Variants in PIEZO2 observed in about 807,000 individuals in gnomAD.
PIEZO2 encodes the protein piezo-type mechanosensitive ion channel component 2.
Under a neutral mutation model 337.3 loss-of-function variants are expected in PIEZO2, and 172 were observed. The observed-to-expected ratio is 0.51, with a 90% CI of 0.45 to 0.58. PIEZO2 has a LOEUF of 0.58. Ranked by LOEUF, PIEZO2 falls within the 20% of genes least tolerant of loss-of-function variation. The pLI is 0.00. For synonymous variants in PIEZO2, 1,251 were observed against 1,228.5 expected (o/e 1.02, Z -0.38); for missense variants, 3,028 against 3,391.3 (o/e 0.89, Z 2.66).
At chr18:10,774,446 T>G (rs569785589) in intron 18 of PIEZO2, among the ~76,000 whole-genome samples, 15 of 107,928 alleles carry the variant, frequency 1.4e-4, no homozygotes, top group Non-Finnish European at 3.0e-4. Flanking sequence ...CTCTGCCATC[T>G]AAAGCATGTG....
chr18:10,748,438 G>T lies in PIEZO2; in HGVS notation c.4424+33C>A, dbSNP rs1399430914. 1.3e-6 allele frequency: 2 copies of T among 1,533,124 alleles called. No homozygotes were observed. The highest frequency in any genetic ancestry group is 1.2e-5 in the South Asian group (1 of 83,614). 95.0% of individuals were successfully genotyped at this position (1,533,124 alleles called of 1,614,324 possible). On this transcript the variant is annotated intron_variant, in intron 30 of 55. Transcript: ENST00000674853. The surrounding 1 kb of genome is among the most constrained non-coding windows in gnomAD (Gnocchi z 5.1). ...AATATTATTTCAGGCAAGTTTCCTG[G>T]GAGAAACCACCTGATTTCATGGCCT...
At chr18:11,011,398 C>G (rs3245) in intron 2 of PIEZO2, among the ~76,000 whole-genome samples, 1 of 151,844 alleles carries the variant, frequency 6.6e-6, no homozygotes. Flanking sequence ...TGACTTTTAT[C>G]TCTTATGTAA....
At chr18:10,797,699 T>G (rs943470340) in intron 11 of PIEZO2, among the ~76,000 whole-genome samples, 177 bp from the exon 12 acceptor site, 3 of 152,214 alleles carry the variant, frequency 2.0e-5, no homozygotes, top group Middle Eastern at 3.2e-3. Context: ...TTCTGCATGG[T>G]CAGTGTAATG....
chr18:10,944,945 T>C (rs192017463), intron 3 of PIEZO2, among the ~76,000 whole-genome samples: 193 of 152,220 alleles, frequency 1.3e-3, no homozygotes, highest in African/African-American at 4.3e-3. Flanking sequence ...ATAATGTCCA[T>C]GTGCAGTGCA....
intron 13 of PIEZO2, among the ~76,000 whole-genome samples, chr18:10,793,333 T>C (rs1051438088): frequency 1.3e-5 from 2 of 152,246 alleles, no homozygotes; most frequent in Admixed American, 1.3e-4. Flanking sequence ...TACTATCTTC[T>C]ATGACAAAAC....
intron 2 of PIEZO2, among the ~76,000 whole-genome samples, chr18:11,024,792 C>A (rs1013615361): frequency 1.3e-5 from 2 of 151,776 alleles, no homozygotes; most frequent in Admixed American, 1.3e-4. Context: ...GCACCCGCCA[C>A]CATACCTGGC....
chr18:10,919,949 C>G (rs2031277960), intron 3 of PIEZO2, among the ~76,000 whole-genome samples: 1 of 152,060 alleles, frequency 6.6e-6, no homozygotes, highest in Non-Finnish European at 1.5e-5. Context: ...ACTAATAGGT[C>G]AATTTAACTG....
chr18:10,930,912 T>C (rs2032042118), intron 3 of PIEZO2, among the ~76,000 whole-genome samples: 1 of 152,246 alleles, frequency 6.6e-6, no homozygotes, highest in Non-Finnish European at 1.5e-5. Flanking sequence ...AAAAGCACCA[T>C]GGTATGACAT....
In PIEZO2 at chr18:10,954,019, A is replaced by G. The variant is rs1211458669; in HGVS notation, c.286+25516T>C. ...CTGCTGAAAGCAGGGAACTCACAAT[A>G]TGGCCTTTAGGGTCCCTTGAGGCTT... On this transcript the variant is annotated intron_variant, in intron 3 of 55. Transcript: ENST00000674853. This position sits in a 1 kb window ranked among gnomAD's most constrained non-coding sequence, Gnocchi z 4.2. Among the ~76,000 whole-genome samples the G allele has an allele frequency of 6.6e-6, 1 of 152,232 alleles. No individual in the cohort carries two copies. The highest frequency in any genetic ancestry group is 1.5e-5 in the Non-Finnish European group (1 of 68,032).
At position 10,789,305 on chromosome 18, in the gene PIEZO2, G is replaced by A. The variant is rs757523983; in HGVS notation, c.1943C>T (p.Ala648Val). The change falls in exon 15 of 56, where the codon GCG becomes GTG. Residue 648 changes from alanine (A) to valine (V), a missense_variant. Physicochemically the swap from Ala to Val is moderately conservative, Grantham distance 64. Around this residue, in one of 5 missense-constraint regions of PIEZO2, gnomAD observed 1,925 missense variants for 2,051.9 expected, o/e 0.94. Coordinates refer to ENST00000674853, the MANE Select transcript of PIEZO2 (RefSeq NM_001378183.1). ...GEPKEEEEEE[A>V]KEEKQERKKV... is the part of the protein sequence containing the mutation. ...CTTTCTCTCTTGCTTCTCTTCCTTCGCTTCCTCTTCTTCCTCCTCTTTGGG... is the reference window on the plus strand; with the variant it reads ...CTTTCTCTCTTGCTTCTCTTCCTTCACTTCCTCTTCTTCCTCCTCTTTGGG... 1.4e-5 allele frequency: 21 copies of A among 1,536,644 alleles called. No homozygotes were observed. In the East Asian group the frequency reaches 1.7e-4, roughly 13 times the overall value.
chr18:10,720,411 ATGTGTATG>A (rs1157362963), intron 36 of PIEZO2, among the ~76,000 whole-genome samples: 628 of 9,680 alleles, frequency 0.065, 17 homozygotes, highest in African/African-American at 0.091. Flanking sequence ...GTGTATGTGT[ATGTGTATG>A]TATATATATA....
In PIEZO2 at chr18:10,803,907, A is replaced by T; in HGVS notation, c.1168T>A (p.Tyr390Asn). ...TCATCAGTGGGGTAATGGGTTGCGT[A>T]CCACAGGCTCCGCCTCCTCCCCGCT... The part of the protein sequence containing the change: ...ITAGRRRSLW[Y>N]ATHYPTDERK... Residue 390 changes from tyrosine (Y) to asparagine (N), a missense_variant, in exon 9 of 56, where the codon TAC becomes AAC. Physicochemically the swap from Tyr to Asn is moderately radical, Grantham distance 143. Around this residue, in one of 5 missense-constraint regions of PIEZO2, gnomAD observed 542 missense variants for 605.6 expected, o/e 0.89. Transcript: ENST00000674853. 6.5e-7 allele frequency: 1 copy of T among 1,537,310 alleles called. No homozygotes were observed. Among genetic ancestry groups the T allele is most frequent in the Non-Finnish European group, 8.7e-7 (1 of 1,146,920 alleles).
intron 1 of PIEZO2, among the ~76,000 whole-genome samples, chr18:11,121,730 T>C (rs2040032494): frequency 6.6e-6 from 1 of 152,206 alleles, no homozygotes; most frequent in Admixed American, 6.5e-5. Context: ...TCTTCTCTGA[T>C]AGCAAATGTG....
At chr18:10,957,399 A>C (rs2033584752) in intron 3 of PIEZO2, among the ~76,000 whole-genome samples, 1 of 115,344 alleles carries the variant, frequency 8.7e-6, no homozygotes, top group African/African-American at 3.4e-5. Context: ...GTCTCAAAAC[A>C]AACCAACAAA....
At chr18:10,788,621 C>T (rs4797485) in intron 15 of PIEZO2, among the ~76,000 whole-genome samples, 118,025 of 152,000 alleles carry the variant, frequency 0.78, 45,946 homozygotes, top group East Asian at 0.93. Context: ...ATCTGTTGCC[C>T]AGCTGGAGTG....
At chr18:10,882,901 C>G (rs948219648) in intron 4 of PIEZO2, among the ~76,000 whole-genome samples, 4 of 127,176 alleles carry the variant, frequency 3.1e-5, no homozygotes, top group African/African-American at 1.2e-4. Flanking sequence ...TGCAGTGGTG[C>G]GATCTCAGCT....
intron 16 of PIEZO2, among the ~76,000 whole-genome samples, chr18:10,786,585 A>T (rs2039232302): frequency 6.6e-6 from 1 of 152,240 alleles, no homozygotes; most frequent in Non-Finnish European, 1.5e-5. Flanking sequence ...GCACAGGAAC[A>T]CCATCTCATC....
chr18:10,770,003 CTGTAAG>C, intron 21 of PIEZO2, 139 bp downstream of exon 21: 1 of 833,140 alleles, frequency 1.2e-6, no homozygotes, highest in Non-Finnish European at 1.7e-6. Context: ...CCTCGGATTT[CTGTAAG>C]TGTAAGTACT....
intron 2 of PIEZO2, among the ~76,000 whole-genome samples, chr18:11,057,759 T>C (rs2037784152): frequency 6.6e-6 from 1 of 152,246 alleles, no homozygotes; most frequent in Non-Finnish European, 1.5e-5. Context: ...TAAAAATCCA[T>C]GATTCTGTAA....
Sources: allele counts gnomAD v4.1 joint callset (sites outside exome capture counted in the v4.1 genomes callset), GRCh38; gene constraint gnomAD v4.1.1; regional missense constraint gnomAD v4.1.1; non-coding constraint Gnocchi (gnomAD v3.1); transcripts MANE v1.5; gene names NCBI Gene and HGNC (gene_info 2026-07-23, HGNC 2026-07-21).